Variants in PTGER3 observed in about 807,000 individuals in gnomAD.
PTGER3 encodes the protein prostaglandin E receptor 3, also known as prostaglandin E2 receptor EP3 subtype.
Under a neutral mutation model 34.7 loss-of-function variants are expected in PTGER3, and 22 were observed. The observed-to-expected ratio is 0.63, with a 90% CI of 0.45 to 0.91. PTGER3 has a LOEUF of 0.91. Ranked by LOEUF, PTGER3 falls within the 40% of genes least tolerant of loss-of-function variation. The pLI is 0.00. For synonymous variants in PTGER3, 241 were observed against 230.1 expected (o/e 1.05, Z -0.43); for missense variants, 468 against 519.4 (o/e 0.90, Z 0.96).
intron 1 of PTGER3, among the ~76,000 whole-genome samples, chr1:71,013,842 T>G (rs1412304731): frequency 6.6e-6 from 1 of 152,060 alleles, no homozygotes; most frequent in Non-Finnish European, 1.5e-5. Context: ...TTGTTCATAA[T>G]AGCAAAAAAA....
chr1:70,993,765 G>C (rs984920218), intron 2 of PTGER3, among the ~76,000 whole-genome samples: 3 of 152,184 alleles, frequency 2.0e-5, no homozygotes, highest in Non-Finnish European at 1.5e-5. Flanking sequence ...TGCAAACCGA[G>C]TGAGTGAAAG....
chr1:70,952,889 G>T, exon 4 of PTGER3: 1 of 1,596,938 alleles, frequency 6.3e-7, no homozygotes, highest in Non-Finnish European at 8.5e-7. Context: ...CAGCACTCCT[G>T]TAGTTATTTT....
intron 4 of PTGER3, among the ~76,000 whole-genome samples, chr1:70,902,139 A>T (rs950095672): frequency 1.3e-5 from 2 of 152,194 alleles, no homozygotes; most frequent in African/African-American, 2.4e-5. Context: ...GTCAATTTTT[A>T]AAAATAACAA....
intron 2 of PTGER3, among the ~76,000 whole-genome samples, chr1:70,964,521 G>T (rs1652304229): frequency 6.6e-6 from 1 of 152,278 alleles, no homozygotes; most frequent in African/African-American, 2.4e-5. Flanking sequence ...ATGTGCAGGG[G>T]AACTCCCCTT....
At chr1:70,935,202 A>AGGAGCTAT (rs1264422087) in intron 4 of PTGER3, among the ~76,000 whole-genome samples, 3 of 152,196 alleles carry the variant, frequency 2.0e-5, no homozygotes, top group Non-Finnish European at 4.4e-5. Context: ...AAGAGGTCAT[A>AGGAGCTAT]GGAGCTATTT....
downstream of PTGER3, among the ~76,000 whole-genome samples, chr1:70,949,265 A>G (rs1257184531): frequency 6.6e-6 from 1 of 152,154 alleles, no homozygotes; most frequent in East Asian, 1.9e-4. Flanking sequence ...GCAGTTTCAC[A>G]TTGCCTGTGC....
chr1:70,888,102 G>T (rs1360795707), intron 4 of PTGER3, among the ~76,000 whole-genome samples: 2 of 152,130 alleles, frequency 1.3e-5, no homozygotes, highest in Admixed American at 1.3e-4. Flanking sequence ...CTTTCTCCTG[G>T]CTTTTCTCCA....
rs71898506 is a variant in PTGER3, at chr1:70,973,121, C to CGTGTGTGTGT, written c.1169+1166_1169+1175dup. ...ACAGCAAAACAGTACCCAGTGTGCA[C>CGTGTGTGTGT]GTGTGTGTGTGTGTGTGTGTGTGTG... On this transcript the variant is annotated intron_variant, in intron 3 of 3. Coordinates refer to ENST00000306666, the MANE Select transcript of PTGER3 (RefSeq NM_198719.2). Among the ~76,000 whole-genome samples, 190 of 143,946 alleles carry CGTGTGTGTGT rather than the reference C, an allele frequency of 1.3e-3. 2 individuals carry two copies. The highest frequency in any genetic ancestry group is 1.6e-3 in the Non-Finnish European group (108 of 65,938). The allele number at this position is 143,946 out of a possible 152,430, so 94.4% of individuals were successfully genotyped here.
Position 71,012,476 on chromosome 1 carries a change from C to T in PTGER3, c.906G>A (p.Met302Ile), listed in dbSNP as rs201102372. The stretch of plus-strand genomic sequence containing the variant: ...ATGTCTGATTGAAGATCATTTTCAA[C>T]ATCATTATCTAAGAAAAGGGGACAA... ...SVCWSPLLIM[M>I]LKMIFNQTSV... Residue 302 changes from methionine (M) to isoleucine (I), a missense_variant, in exon 2 of 4, where the codon ATG (methionine) becomes ATA (isoleucine). Around this residue, in one of 5 missense-constraint regions of PTGER3, gnomAD observed 204 missense variants for 230.8 expected, o/e 0.88. Coordinates refer to ENST00000306666, the MANE Select transcript of PTGER3 (RefSeq NM_198719.2). 1 of 1,611,682 alleles carries T rather than the reference C, an allele frequency of 6.2e-7. No individual in the cohort carries two copies. Among genetic ancestry groups the T allele is most frequent in the Non-Finnish European group, 8.5e-7 (1 of 1,178,658 alleles).
intron 1 of PTGER3, among the ~76,000 whole-genome samples, chr1:71,043,652 A>C (rs74440022): frequency 2.0e-5 from 3 of 152,116 alleles, no homozygotes; most frequent in African/African-American, 7.2e-5. Flanking sequence ...AACAGCGTTA[A>C]TCTCTCATTT....
chr1:71,025,652 T>C (rs1022365706), intron 1 of PTGER3, among the ~76,000 whole-genome samples: 2 of 152,178 alleles, frequency 1.3e-5, no homozygotes, highest in African/African-American at 4.8e-5. Flanking sequence ...AAACAGCAAC[T>C]AATGCTTATA....
At chr1:70,898,857 A>T in intron 4 of PTGER3, among the ~76,000 whole-genome samples, 1 of 152,130 alleles carries the variant, frequency 6.6e-6, no homozygotes. Context: ...AAAAAAGGAG[A>T]TACAATTTTC....
At chr1:70,948,708 C>G (rs557714842), downstream of PTGER3, among the ~76,000 whole-genome samples, 2 of 152,088 alleles carry the variant, frequency 1.3e-5, no homozygotes, top group African/African-American at 4.8e-5. Context: ...TTTAATTATA[C>G]AGAAACAGAT....
At chr1:71,006,620 T>A (rs141178393) in intron 2 of PTGER3, 2 of 979,158 alleles carry the variant, frequency 2.0e-6, no homozygotes, top group East Asian at 1.1e-4. Context: ...AACATCATGT[T>A]GAAAATCGGA....
At chr1:70,932,402 C>T (rs1169272965) in intron 4 of PTGER3, among the ~76,000 whole-genome samples, 1 of 152,146 alleles carries the variant, frequency 6.6e-6, no homozygotes, top group Non-Finnish European at 1.5e-5. Flanking sequence ...CAATACCACA[C>T]TCTACTGGTA....
intron 2 of PTGER3, among the ~76,000 whole-genome samples, chr1:71,000,177 A>T (rs145368308): frequency 8.6e-4 from 131 of 152,322 alleles, no homozygotes; most frequent in African/African-American, 3.1e-3. Flanking sequence ...TCACAGTAGT[A>T]ATTATTTGCT....
At chr1:70,897,146 C>T (rs36021131) in intron 4 of PTGER3, among the ~76,000 whole-genome samples, 7,345 of 152,134 alleles carry the variant, frequency 0.048, 562 homozygotes, top group South Asian at 0.21. Flanking sequence ...GACCCCGTTC[C>T]CCTTTCCTTT....
intron 2 of PTGER3, among the ~76,000 whole-genome samples, chr1:70,955,636 A>G (rs539444278): frequency 2.0e-5 from 3 of 152,284 alleles, no homozygotes; most frequent in African/African-American, 7.2e-5. Flanking sequence ...GATTGGAAGT[A>G]CTTGGAGTTA....
chr1:70,911,967 T>C (rs11209716), intron 4 of PTGER3, among the ~76,000 whole-genome samples: 55,175 of 151,772 alleles, frequency 0.36, 10,195 homozygotes, highest in Middle Eastern at 0.52. Flanking sequence ...TATTCACCAT[T>C]ATGATCAAAG....
Sources: allele counts gnomAD v4.1 joint callset (sites outside exome capture counted in the v4.1 genomes callset), GRCh38; gene constraint gnomAD v4.1.1; regional missense constraint gnomAD v4.1.1; transcripts MANE v1.5; gene names NCBI Gene and HGNC (gene_info 2026-07-23, HGNC 2026-07-21).